Variants in USP48 observed in about 807,000 individuals in gnomAD.
USP48 encodes ubiquitin carboxyl-terminal hydrolase 48.
Under a neutral mutation model 150.7 loss-of-function variants are expected in USP48, and 43 were observed. That is an observed-to-expected ratio of 0.29 (90% confidence interval 0.22 to 0.37). USP48 has a LOEUF of 0.37. Ranked by LOEUF, USP48 falls within the 10% of genes least tolerant of loss-of-function variation. The pLI is 1.00. For missense variants in USP48, 813 were observed against 1,249.6 expected (o/e 0.65, Z 5.27); for synonymous variants, 396 against 425.9 (o/e 0.93, Z 0.86).
intron 9 of USP48, among the ~76,000 whole-genome samples, chr1:21,732,461 G>A (rs1395868780): frequency 6.6e-6 from 1 of 151,994 alleles, no homozygotes; most frequent in Non-Finnish European, 1.5e-5. Flanking sequence ...CTCAGCCAGT[G>A]ACAGAAAAAG....
chr1:21,692,396 G>T (rs949253125), intron 23 of USP48, among the ~76,000 whole-genome samples: 1 of 152,186 alleles, frequency 6.6e-6, no homozygotes, highest in African/African-American at 2.4e-5. Flanking sequence ...TACGGTGGAT[G>T]TGTGTGATGC....
chr1:21,782,199 G>A lies in USP48; in HGVS notation c.134+625C>T, dbSNP rs1055642783. 7.2e-5 allele frequency among the ~76,000 whole-genome samples: 11 copies of A among 152,284 alleles called. 1 individual carries two copies. The highest frequency in any genetic ancestry group is 6.2e-4 in the South Asian group (3 of 4,830). On this transcript the variant is annotated intron_variant, in intron 1 of 26. Coordinates refer to ENST00000308271, the MANE Select transcript of USP48 (RefSeq NM_032236.8). The stretch of plus-strand genomic sequence containing the variant: ...CTAAGGATTCAATCTATATGAGGGG[G>A]TTAAGGAAAGGTAAAGTTCAAGGGC...
At position 21,712,908 on chromosome 1, in the gene USP48, G is replaced by A. The variant is rs528323482; in HGVS notation, c.1963+2481C>T. ...CTCCCAAAGTGCTGGGATTACAGGC[G>A]TGAGCCACCACACCCAGTCATACTA... is the stretch of plus-strand genomic sequence containing the variant. On this transcript the variant is annotated intron_variant, in intron 15 of 26. Transcript: ENST00000308271. Among the ~76,000 whole-genome samples, 256 of 152,152 alleles carry A rather than the reference G, an allele frequency of 1.7e-3. 1 individual carries two copies. Among genetic ancestry groups the A allele is most frequent in the African/African-American group, 5.9e-3 (244 of 41,518 alleles).
chr1:21,755,170 C>T (rs1398506057), intron 3 of USP48, among the ~76,000 whole-genome samples: 1 of 152,116 alleles, frequency 6.6e-6, no homozygotes, highest in Non-Finnish European at 1.5e-5. Flanking sequence ...TATTTATCTC[C>T]TTACTACCAA....
Position 21,679,182 on chromosome 1 carries a change from A to AC in USP48, c.*234dup. The AC allele has an allele frequency of 2.0e-5, 5 of 244,342 alleles. No individual in the cohort carries two copies. Among genetic ancestry groups the AC allele is most frequent in the South Asian group, 3.5e-5 (1 of 28,182 alleles). The allele number at this position is 244,342 out of a possible 1,614,324, so 15.1% of individuals were successfully genotyped here. A position where few individuals can be genotyped will look rare whatever the true frequency, so the allele number is the denominator to read the frequency against. On this transcript the variant is annotated 3_prime_UTR_variant, in exon 27 of 27. Transcript: ENST00000308271. Reference sequence around the variant, plus strand: ...CGTCTTTACTTGCCCCCTCCCACCCACCACCCCCCTTAAATATAAAATTGG... The same window carrying AC: ...CGTCTTTACTTGCCCCCTCCCACCCACCCACCCCCCTTAAATATAAAATTGG...
intron 25 of USP48, among the ~76,000 whole-genome samples, chr1:21,684,001 T>G (rs919271165): frequency 2.6e-5 from 4 of 152,228 alleles, no homozygotes; most frequent in African/African-American, 9.7e-5. Context: ...CCATTGTATG[T>G]CTACATATAA....
Position 21,679,070 on chromosome 1 carries a change from G to C in USP48, c.*347C>G, listed in dbSNP as rs183514931. ...CGCATCTGGTATGAAACTCGAGCAA[G>C]GAAATATAACAGAACTTTATTCCCC... On this transcript the variant is annotated 3_prime_UTR_variant, in exon 27 of 27. Coordinates refer to ENST00000308271, the MANE Select transcript of USP48 (RefSeq NM_032236.8). 1 of 374,530 alleles carries C rather than the reference G, an allele frequency of 2.7e-6. No individual in the cohort carries two copies. The highest frequency in any genetic ancestry group is 4.4e-5 in the Admixed American group (1 of 22,516). The allele number at this position is 374,530 out of a possible 1,614,324, so 23.2% of individuals were successfully genotyped here. A position where few individuals can be genotyped will look rare whatever the true frequency, so the allele number is the denominator to read the frequency against.
At chr1:21,756,493 A>G in intron 3 of USP48, 53 bp downstream of exon 3, 1 of 1,515,022 alleles carries the variant, frequency 6.6e-7, no homozygotes, top group East Asian at 2.5e-5. Context: ...AAAAAAAAAA[A>G]AGTTTAAAAA....
At chr1:21,748,595 T>C (rs1476077929) in intron 6 of USP48, among the ~76,000 whole-genome samples, 1 of 152,250 alleles carries the variant, frequency 6.6e-6, no homozygotes, top group Non-Finnish European at 1.5e-5. Flanking sequence ...GTCACATGTA[T>C]TTTGATGCAA....
At chr1:21,738,654 G>A (rs925776832) in intron 8 of USP48, among the ~76,000 whole-genome samples, 28 of 151,724 alleles carry the variant, frequency 1.8e-4, no homozygotes, top group Non-Finnish European at 3.7e-4. Context: ...CACCACGCCC[G>A]GCCCATTTTT....
intron 15 of USP48, among the ~76,000 whole-genome samples, chr1:21,708,884 CAAA>C (rs1181628764): frequency 2.4e-4 from 4 of 16,606 alleles, no homozygotes; most frequent in Non-Finnish European, 5.9e-4. Flanking sequence ...GACTCCGTCT[CAAA>C]AAAAAAAAAA....
At chr1:21,720,963 C>A (rs2097718997) in intron 14 of USP48, 73 bp downstream of exon 14, 3 of 1,570,410 alleles carry the variant, frequency 1.9e-6, no homozygotes, top group East Asian at 2.3e-5. Context: ...CACGAATGAG[C>A]CACCGTGCCT....
In USP48 at chr1:21,729,839, T is replaced by TA. The variant is rs778815239; in HGVS notation, c.1172-8dup. On this transcript the variant is annotated splice_region_variant and splice_polypyrimidine_tract_variant and intron_variant, in intron 9 of 26. Transcript: ENST00000308271. ...TGAGACTTAGAAGGTTCTGCTGAGA[T>TA]AGAGAAATCAAAAGGTACCTTAACT... 1.9e-4 allele frequency: 313 copies of TA among 1,613,860 alleles called. 6 individuals are homozygous for TA. In the Admixed American group the frequency reaches 5.1e-3, roughly 26 times the overall value.
At position 21,748,200 on chromosome 1, in the gene USP48, C is replaced by T. The variant is rs546738560; in HGVS notation, c.846G>A (p.Lys282=). Residue 282 remains lysine, a synonymous_variant, in exon 7 of 27, where the codon AAG becomes AAA. Transcript: ENST00000308271. ...NCQSKQNATR[K]IRLLSLPCTL... ...TGCAAGGAAGGCTAAGAAGTCGAAT[C>T]TTTCTTGTTGCATTCTGTTTGCTTT... is the stretch of plus-strand genomic sequence containing the variant. The T allele has an allele frequency of 1.1e-5, 17 of 1,614,052 alleles. No individual in the cohort carries two copies. The Middle Eastern group carries it at 5.0e-4, about 47-fold the overall frequency.
intron 21 of USP48, among the ~76,000 whole-genome samples, chr1:21,701,964 A>G (rs2097658281): frequency 6.6e-6 from 1 of 152,214 alleles, no homozygotes; most frequent in Admixed American, 6.5e-5. Context: ...CAAGTTCTCA[A>G]ACTATTCAAG....
Position 21,747,094 on chromosome 1 carries a change from C to T in USP48, c.964G>A (p.Asp322Asn). ...TTATGTTCCACATAAGGCTCCATAT[C>T]CAAAATTTCTGAGAAGCCAATGTAG... is the stretch of plus-strand genomic sequence containing the variant. ...NTYIGFSEIL[D>N]MEPYVEHKGG... The change falls in exon 8 of 27, where the codon GAT (aspartate) becomes AAT (asparagine). Residue 322 changes from aspartate (D) to asparagine (N), a missense_variant. By Grantham distance (23) the Asp-to-Asn change is conservative (BLOSUM62 1). Coordinates refer to ENST00000308271, the MANE Select transcript of USP48 (RefSeq NM_032236.8). 1 of 1,612,100 alleles carries T rather than the reference C, an allele frequency of 6.2e-7. No individual in the cohort carries two copies. Among genetic ancestry groups the T allele is most frequent in the Non-Finnish European group, 8.5e-7 (1 of 1,179,664 alleles).
intron 11 of USP48, chr1:21,728,225 A>C (rs1480304195): frequency 1.3e-5 from 13 of 1,023,828 alleles, no homozygotes; most frequent in Non-Finnish European, 1.5e-5. Context: ...AAAGAAACAG[A>C]ACAGGCAAGT....
chr1:21,746,619 G>A (rs2930012), intron 8 of USP48, among the ~76,000 whole-genome samples: 11,617 of 152,110 alleles, frequency 0.076, 500 homozygotes, highest in Middle Eastern at 0.11. Context: ...ATCCTAGGGC[G>A]TATCAGTAGT....
At chr1:21,749,940 C>A (rs2097804999) in intron 6 of USP48, among the ~76,000 whole-genome samples, 1 of 152,088 alleles carries the variant, frequency 6.6e-6, no homozygotes, top group Non-Finnish European at 1.5e-5. Flanking sequence ...GAAAATATAT[C>A]TAAAAGCCAA....
Sources: gnomAD v4.1 joint callset for allele counts (sites outside exome capture counted in the v4.1 genomes callset) on GRCh38, gnomAD v4.1.1 for gene constraint, MANE v1.5 for transcripts, NCBI Gene and HGNC (gene_info 2026-07-23, HGNC 2026-07-21) for gene names.